Variants in EPS15L1 observed in about 807,000 individuals in gnomAD.
EPS15L1 encodes the protein epidermal growth factor receptor pathway substrate 15 like 1, also known as epidermal growth factor receptor substrate 15-like 1.
EPS15L1 carries 43 observed loss-of-function variants against 117.1 expected under a neutral mutation model. That is an observed-to-expected ratio of 0.37 (90% CI 0.29 to 0.47). EPS15L1 has a LOEUF of 0.47. Ranked by LOEUF, EPS15L1 falls within the 20% of genes least tolerant of loss-of-function variation. The pLI, the probability that EPS15L1 is intolerant of heterozygous loss-of-function variation, is 0.99. For synonymous variants in EPS15L1, 459 were observed against 470.5 expected (o/e 0.98, Z 0.32); for missense variants, 981 against 1,164.0 (o/e 0.84, Z 2.29).
chr19:16,464,190 C>T (rs1019062406), intron 1 of EPS15L1, among the ~76,000 whole-genome samples: 1 of 152,238 alleles, frequency 6.6e-6, no homozygotes, highest in Non-Finnish European at 1.5e-5. Context: ...AGATGGAAAT[C>T]CGAGACAAAT....
intron 22 of EPS15L1, among the ~76,000 whole-genome samples, chr19:16,364,531 G>C (rs1489847292): frequency 2.0e-5 from 3 of 152,218 alleles, no homozygotes; most frequent in African/African-American, 4.8e-5. Context: ...ACCCCGGGCT[G>C]GTTCCGCTGG....
At chr19:16,373,033 A>G (rs2092246690) in intron 22 of EPS15L1, among the ~76,000 whole-genome samples, 1 of 152,246 alleles carries the variant, frequency 6.6e-6, no homozygotes, top group South Asian at 2.1e-4. Flanking sequence ...CCTGGATGGG[A>G]GCATGGGACA....
chr19:16,440,691 G>GT, intron 4 of EPS15L1, 171 bp downstream of exon 4: 1 of 535,796 alleles, frequency 1.9e-6, no homozygotes, highest in South Asian at 3.4e-5. Context: ...ATGGCTCCAA[G>GT]TGTTTAAAAG....
At chr19:16,387,752 C>A (rs942252573) in intron 19 of EPS15L1, among the ~76,000 whole-genome samples, 4 of 151,898 alleles carry the variant, frequency 2.6e-5, no homozygotes, top group Non-Finnish European at 4.4e-5. Context: ...GGCGAAAGAG[C>A]GAGACTCTGT....
In EPS15L1 at chr19:16,370,787, G is replaced by A. The variant is rs2092212581; in HGVS notation, c.2380+6335C>T. On this transcript the variant is annotated intron_variant, in intron 22 of 23. Transcript: ENST00000455140. This position sits in a 1 kb window ranked among gnomAD's most constrained non-coding sequence, Gnocchi z 5.2. ...TGGCACCGTCAGCAGGTCCCACCCA[G>A]CCCTAAGACAGACCTTCCAGAGGGC... Among the ~76,000 whole-genome samples the A allele has an allele frequency of 6.6e-6, 1 of 152,218 alleles. No homozygotes were observed. The highest frequency in any genetic ancestry group is 1.5e-5 in the Non-Finnish European group (1 of 68,026).
rs748854857 is a variant in EPS15L1, at chr19:16,404,565, C to T, written c.1428+23G>A. On this transcript the variant is annotated intron_variant, in intron 14 of 23. Transcript: ENST00000455140. This position sits in a 1 kb window ranked among gnomAD's most constrained non-coding sequence, Gnocchi z 4.2. ...GCCCCTGCCTGTGCATAGGGCGCTG[C>T]CCCGGAGGTGGCCGGGACCCACCAT... is the stretch of plus-strand genomic sequence containing the variant. The T allele has an allele frequency of 3.1e-6, 5 of 1,613,518 alleles. No individual in the cohort carries two copies. Among genetic ancestry groups the T allele is most frequent in the Non-Finnish European group, 3.4e-6 (4 of 1,179,826 alleles).
chr19:16,464,530 C>T (rs1244203140), intron 1 of EPS15L1, among the ~76,000 whole-genome samples: 1 of 152,164 alleles, frequency 6.6e-6, no homozygotes, highest in Non-Finnish European at 1.5e-5. Flanking sequence ...CCCTGAGCTG[C>T]CTAAATTAAA....
intron 1 of EPS15L1, among the ~76,000 whole-genome samples, chr19:16,454,190 T>G (rs2093173519): frequency 6.6e-6 from 1 of 152,216 alleles, no homozygotes; most frequent in Non-Finnish European, 1.5e-5. Flanking sequence ...AGAGGACTGG[T>G]TAAGCTGCTA....
Position 16,402,505 on chromosome 19 carries a change from T to G in EPS15L1, c.1627-20A>C. On this transcript the variant is annotated intron_variant, in intron 15 of 23. Transcript: ENST00000455140. The stretch of plus-strand genomic sequence containing the variant: ...CCTTGCCTGTGCAACAAAGACATCA[T>G]CAGCATTAAGCAGGGTCAGGAAAAC... The G allele has an allele frequency of 6.4e-7, 1 of 1,572,852 alleles. No individual in the cohort carries two copies. Among genetic ancestry groups the G allele is most frequent in the Non-Finnish European group, 8.6e-7 (1 of 1,161,580 alleles).
chr19:16,395,387 GTCT>G lies in EPS15L1; in HGVS notation c.1869_1871del (p.Glu623del). ...CTTTAAATGGGTCAGATTTGAAGGG[GTCT>G]TCTGTCTGGAAAGGATCCGGATGCA... On this transcript the variant is annotated inframe_deletion, in exon 17 of 24. Transcript: ENST00000455140. 6.2e-7 allele frequency: 1 copy of G among 1,613,914 alleles called. No homozygotes were observed. Among genetic ancestry groups the G allele is most frequent in the Non-Finnish European group, 8.5e-7 (1 of 1,179,860 alleles).
At chr19:16,393,860 G>T in intron 18 of EPS15L1, 91 bp downstream of exon 18, 1 of 1,256,902 alleles carries the variant, frequency 8.0e-7, no homozygotes, top group Non-Finnish European at 1.2e-6. Flanking sequence ...TGCCATCCCC[G>T]GTGTATGTGG....
intron 21 of EPS15L1, among the ~76,000 whole-genome samples, chr19:16,379,075 G>A (rs764340890): frequency 2.6e-4 from 40 of 152,264 alleles, no homozygotes; most frequent in African/African-American, 8.9e-4. Context: ...AGGCCGAGGC[G>A]GGCAGATCAC....
intron 22 of EPS15L1, among the ~76,000 whole-genome samples, chr19:16,375,122 CAT>C (rs892669396): frequency 3.9e-5 from 6 of 152,320 alleles, no homozygotes; most frequent in Non-Finnish European, 8.8e-5. Flanking sequence ...AATATGCACA[CAT>C]GTCCACAGAT....
chr19:16,392,957 G>T (rs2092493697), intron 18 of EPS15L1, among the ~76,000 whole-genome samples: 1 of 152,034 alleles, frequency 6.6e-6, no homozygotes, highest in East Asian at 1.9e-4. Flanking sequence ...CAGAAAGGCT[G>T]CTTGAGCCCA....
chr19:16,437,822 C>T lies in EPS15L1; in HGVS notation c.257G>A (p.Gly86Asp). ...ALRLVACAQS[G>D]HEVTLSNLNL... ...CAGATTGCTCAAGGTAACTTCATGG[C>T]CACTCTGTGCACAGGCCACCAGTCT... is the stretch of plus-strand genomic sequence containing the variant. The change falls in exon 5 of 24, where the codon GGC (glycine) becomes GAC (aspartate). Residue 86 changes from glycine (G) to aspartate (D), a missense_variant. Transcript: ENST00000455140. 6.2e-7 allele frequency: 1 copy of T among 1,614,098 alleles called. No individual in the cohort carries two copies. The highest frequency in any genetic ancestry group is 8.5e-7 in the Non-Finnish European group (1 of 1,179,994).
At chr19:16,413,463 A>T in intron 13 of EPS15L1, 1 of 750,742 alleles carries the variant, frequency 1.3e-6, no homozygotes, top group Non-Finnish European at 2.3e-6. Context: ...CAACCTCTGG[A>T]AGGAGACTGT....
intron 21 of EPS15L1, among the ~76,000 whole-genome samples, chr19:16,384,582 G>A (rs768262362): frequency 3.8e-4 from 58 of 152,200 alleles, no homozygotes; most frequent in African/African-American, 6.3e-4. Flanking sequence ...TCACCGTGTG[G>A]TGAGGGCCGG....
chr19:16,467,859 C>G (rs1255454932), intron 1 of EPS15L1, among the ~76,000 whole-genome samples: 1 of 152,178 alleles, frequency 6.6e-6, no homozygotes, highest in East Asian at 1.9e-4. Context: ...GCTCTGCGCC[C>G]ACCAACTATG....
intron 9 of EPS15L1, among the ~76,000 whole-genome samples, chr19:16,423,698 G>C (rs1420403012): frequency 6.6e-6 from 1 of 152,168 alleles, no homozygotes; most frequent in East Asian, 1.9e-4. Context: ...AAGTCTGGTG[G>C]ACGTAAAGAT....
Sources: gnomAD v4.1 joint callset for allele counts (sites outside exome capture counted in the v4.1 genomes callset) on GRCh38, gnomAD v4.1.1 for gene constraint, Gnocchi (gnomAD v3.1) non-coding constraint, MANE v1.5 for transcripts, NCBI Gene and HGNC (gene_info 2026-07-23, HGNC 2026-07-21) for gene names.